Variants in RNF19A observed in about 807,000 individuals in gnomAD.
RNF19A encodes the protein ring finger protein 19A, RBR E3 ubiquitin protein ligase, also known as E3 ubiquitin-protein ligase RNF19A.
Under a neutral mutation model 75.7 loss-of-function variants are expected in RNF19A, and 32 were observed. The observed-to-expected ratio is 0.42, with a 90% CI of 0.32 to 0.57. RNF19A has a LOEUF of 0.57. Among genes scored for constraint, RNF19A ranks in the 20% least tolerant of loss-of-function variants. RNF19A has a pLI of 0.10. For synonymous variants in RNF19A, 335 were observed against 345.2 expected, an observed-to-expected ratio of 0.97 and a Z score of 0.33; for missense variants, 782 against 1,036.3, an observed-to-expected ratio of 0.75 and a Z score of 3.37.
chr8:100,328,072 T>C (rs1404286815), intron 1 of RNF19A, among the ~76,000 whole-genome samples: 4 of 152,136 alleles, frequency 2.6e-5, no homozygotes, highest in Non-Finnish European at 2.9e-5. Flanking sequence ...AATGCATGCA[T>C]TATGGGAGGC....
intron 1 of RNF19A, among the ~76,000 whole-genome samples, chr8:100,318,364 C>A (rs528325210): frequency 2.0e-5 from 3 of 152,156 alleles, no homozygotes; most frequent in Non-Finnish European, 4.4e-5. Flanking sequence ...GGCTTAAATT[C>A]TCTGTTCCCA....
In RNF19A at chr8:100,331,561, C is replaced by T. The variant is rs1205227851; in HGVS notation, c.-243+4547G>A. Among the ~76,000 whole-genome samples, 1 of 152,124 alleles carries T rather than the reference C, an allele frequency of 6.6e-6. No homozygotes were observed. The highest frequency in any genetic ancestry group is 2.4e-5 in the African/African-American group (1 of 41,420). On this transcript the variant is annotated intron_variant, in intron 1 of 3. Coordinates refer to the RNF19A transcript ENST00000519527. This position sits in a 1 kb window ranked among gnomAD's most constrained non-coding sequence, Gnocchi z 5.2. Reference sequence around the variant, plus strand: ...CTGAGGCAGGAGGATTGCTTGAGCCCAGGATGTCAAAGCTGCAGTGAGTCA... The same window carrying T: ...CTGAGGCAGGAGGATTGCTTGAGCCTAGGATGTCAAAGCTGCAGTGAGTCA...
intron 1 of RNF19A, among the ~76,000 whole-genome samples, chr8:100,316,907 G>A (rs1489187181): frequency 6.6e-6 from 1 of 152,226 alleles, no homozygotes; most frequent in African/African-American, 2.4e-5. Context: ...TGCAGGTCCG[G>A]AGCCCTGCCC....
In RNF19A at chr8:100,322,293, T is replaced by G. The variant is rs1468122326; in HGVS notation, c.-242-8921A>C. 2.6e-5 allele frequency among the ~76,000 whole-genome samples: 4 copies of G among 152,262 alleles called. No homozygotes were observed. Among genetic ancestry groups the G allele is most frequent in the Non-Finnish European group, 5.9e-5 (4 of 68,046 alleles). On this transcript the variant is annotated intron_variant, in intron 1 of 3. Coordinates refer to the RNF19A transcript ENST00000519527. This position sits in a 1 kb window ranked among gnomAD's most constrained non-coding sequence, Gnocchi z 5.1. Reference sequence around the variant, plus strand: ...ATCTTCTGGATAATTTGCTGCCGCTTCTACATCAGCACTTCCTGCTTCACC... The same window carrying G: ...ATCTTCTGGATAATTTGCTGCCGCTGCTACATCAGCACTTCCTGCTTCACC...
At chr8:100,285,169 C>T (rs559341660) in intron 2 of RNF19A, among the ~76,000 whole-genome samples, 1 of 152,218 alleles carries the variant, frequency 6.6e-6, no homozygotes, top group African/African-American at 2.4e-5. Context: ...AGTTGAAATT[C>T]TCAGTTGTAG....
chr8:100,312,034 C>T (rs983668176), upstream of RNF19A, among the ~76,000 whole-genome samples: 1 of 152,186 alleles, frequency 6.6e-6, no homozygotes, highest in Non-Finnish European at 1.5e-5. Flanking sequence ...GTAGTTTGTT[C>T]TTTCCTCAAA....
chr8:100,299,787 T>A (rs1821740918), intron 1 of RNF19A, among the ~76,000 whole-genome samples: 1 of 152,114 alleles, frequency 6.6e-6, no homozygotes. Context: ...AAAAAAGTAT[T>A]AAGTGTTTGG....
chr8:100,308,546 G>A (rs1822153026), intron 1 of RNF19A, among the ~76,000 whole-genome samples: 1 of 152,092 alleles, frequency 6.6e-6, no homozygotes. Flanking sequence ...AACAGAAGTG[G>A]TAAAATGTGT....
At position 100,260,097 on chromosome 8, in the gene RNF19A, G is replaced by A. The variant is rs968002828; in HGVS notation, c.1683-100C>T. The A allele has an allele frequency of 3.5e-5, 35 of 1,013,814 alleles. No homozygotes were observed. In the African/African-American group the frequency reaches 5.4e-4, roughly 16 times the overall value. The allele number at this position is 1,013,814 out of a possible 1,614,324, so 62.8% of individuals were successfully genotyped here. A position where few individuals can be genotyped will look rare whatever the true frequency, so the allele number is the denominator to read the frequency against. ...CAGTTAAGAACCCTAGTAACCAGAA[G>A]CTATTTTAGGAACCATTATTTTTTA... On this transcript the variant is annotated intron_variant, in intron 8 of 9. Transcript: ENST00000341084. The surrounding 1 kb of genome is among the most constrained non-coding windows in gnomAD (Gnocchi z 4.1).
chr8:100,297,598 C>G (rs1183779773), intron 1 of RNF19A, among the ~76,000 whole-genome samples: 1 of 152,200 alleles, frequency 6.6e-6, no homozygotes, highest in Non-Finnish European at 1.5e-5. Context: ...TTCAAGCTCT[C>G]TTTCTCTTCA....
chr8:100,270,656 GAAGA>G (rs1179955935), intron 3 of RNF19A, among the ~76,000 whole-genome samples: 1 of 152,128 alleles, frequency 6.6e-6, no homozygotes, highest in African/African-American at 2.4e-5. Flanking sequence ...AGGAAGGAAG[GAAGA>G]GATTAAGGAA....
In RNF19A at chr8:100,323,015, G is replaced by T. The variant is rs1822482440; in HGVS notation, c.-242-9643C>A. 6.6e-6 allele frequency among the ~76,000 whole-genome samples: 1 copy of T among 152,130 alleles called. No homozygotes were observed. The highest frequency in any genetic ancestry group is 2.4e-5 in the African/African-American group (1 of 41,424). ...AGAACTACCAAAATACGACACAGAG[G>T]CATGAAATGAGCACAGGCTGCCGAA... On this transcript the variant is annotated intron_variant, in intron 1 of 3. Coordinates refer to the RNF19A transcript ENST00000519527. This position sits in a 1 kb window ranked among gnomAD's most constrained non-coding sequence, Gnocchi z 4.6.
chr8:100,280,514 G>A (rs553492197), intron 2 of RNF19A, among the ~76,000 whole-genome samples: 1 of 152,196 alleles, frequency 6.6e-6, no homozygotes, highest in East Asian at 1.9e-4. Flanking sequence ...AAATGGAAAA[G>A]GTAAGATGTC....
chr8:100,284,868 A>G lies in RNF19A; in HGVS notation c.674+2633T>C, dbSNP rs1820942402. 6.6e-6 allele frequency among the ~76,000 whole-genome samples: 1 copy of G among 152,168 alleles called. No individual in the cohort carries two copies. The highest frequency in any genetic ancestry group is 1.5e-5 in the Non-Finnish European group (1 of 67,982). On this transcript the variant is annotated intron_variant, in intron 2 of 9. Coordinates refer to ENST00000341084, the MANE Select transcript of RNF19A (RefSeq NM_183419.4). This position sits in a 1 kb window ranked among gnomAD's most constrained non-coding sequence, Gnocchi z 4.3. ...TCAGCAGGATGATCATTAACTCACAATCTAAATTGGAACACTTGAGAAAGA... is the reference window on the plus strand; with the variant it reads ...TCAGCAGGATGATCATTAACTCACAGTCTAAATTGGAACACTTGAGAAAGA...
At chr8:100,300,576 C>T (rs952033682) in intron 1 of RNF19A, 2 of 151,980 alleles carry the variant, frequency 1.3e-5, no homozygotes, top group Non-Finnish European at 2.9e-5. Flanking sequence ...TTGCTTGAGC[C>T]CAGGAATTCC....
intron 5 of RNF19A, among the ~76,000 whole-genome samples, chr8:100,265,348 A>T (rs540893718): frequency 1.3e-5 from 2 of 152,360 alleles, no homozygotes; most frequent in East Asian, 3.9e-4. Context: ...GCTCTCATTT[A>T]TAGCTCAAAG....
At chr8:100,312,801 G>A (rs968850029), upstream of RNF19A, among the ~76,000 whole-genome samples, 5 of 152,120 alleles carry the variant, frequency 3.3e-5, no homozygotes, top group African/African-American at 1.2e-4. Context: ...GCACACTCCT[G>A]TAATCCCAGC....
chr8:100,266,200 T>A (rs576043266), intron 5 of RNF19A, among the ~76,000 whole-genome samples: 1 of 152,354 alleles, frequency 6.6e-6, no homozygotes, highest in Admixed American at 6.5e-5. Flanking sequence ...TTGGGTACTT[T>A]ATTGACTTAG....
intron 3 of RNF19A, 65 bp downstream of exon 3, chr8:100,274,888 T>C: frequency 7.4e-7 from 1 of 1,342,732 alleles, no homozygotes; most frequent in Non-Finnish European, 1.0e-6. Flanking sequence ...TACTTAACTT[T>C]AAAAAGTTAA....
Sources: gnomAD v4.1 joint callset for allele counts (sites outside exome capture counted in the v4.1 genomes callset) on GRCh38, gnomAD v4.1.1 for gene constraint, Gnocchi (gnomAD v3.1) non-coding constraint, MANE v1.5 for transcripts, NCBI Gene and HGNC (gene_info 2026-07-23, HGNC 2026-07-21) for gene names.